The following RTTN variants were observed in gnomAD, a reference collection of about 807,000 sequenced individuals.
The protein encoded by RTTN is rotatin.
RTTN carries 182 observed loss-of-function variants against 269.2 expected under a neutral mutation model. The ratio of observed to expected loss-of-function variants is 0.68; its 90% CI spans 0.60 to 0.76. RTTN has a LOEUF of 0.76. RTTN is among the 30% of genes least tolerant of loss of function. RTTN has a pLI of 0.00. For missense variants in RTTN, 2,545 were observed against 2,608.6 expected (o/e 0.98, Z 0.53); for synonymous variants, 1,006 against 963.5 (o/e 1.04, Z -0.82).
chr18:70,008,226 T>G (rs1278634452), intron 46 of RTTN: 1 of 151,798 alleles, frequency 6.6e-6, no homozygotes, highest in Non-Finnish European at 1.5e-5. Context: ...CAAAAGGACA[T>G]CCACACAAAA....
intron 40 of RTTN, among the ~76,000 whole-genome samples, chr18:70,044,570 C>T (rs2057439297): frequency 1.3e-5 from 2 of 152,010 alleles, no homozygotes; most frequent in African/African-American, 2.4e-5. Flanking sequence ...TATGTAACTA[C>T]AATAAAGTTT....
intron 23 of RTTN, chr18:70,131,122 T>C (rs566096775): frequency 7.5e-6 from 1 of 133,480 alleles, no homozygotes; most frequent in Admixed American, 8.5e-5. Flanking sequence ...ATAACATTTT[T>C]TAAAACAGAA....
intron 23 of RTTN, chr18:70,131,695 T>TAAAA (rs2060002045): frequency 1.3e-5 from 2 of 151,144 alleles, no homozygotes; most frequent in African/African-American, 4.9e-5. Context: ...AATAAATAAA[T>TAAAA]AAAATACTTA....
At chr18:70,190,840 A>G in intron 8 of RTTN, 121 bp from the exon 9 acceptor site, 1 of 601,532 alleles carries the variant, frequency 1.7e-6, no homozygotes, top group Non-Finnish European at 2.9e-6. Context: ...TGCTTCATTC[A>G]ACTCTGGTCA....
intron 28 of RTTN, among the ~76,000 whole-genome samples, chr18:70,095,351 C>T (rs1054907873): frequency 6.6e-6 from 1 of 152,140 alleles, no homozygotes; most frequent in Non-Finnish European, 1.5e-5. Flanking sequence ...ACGATGTTAG[C>T]TGGTTATTTT....
chr18:70,056,493 C>T (rs2057820209), intron 37 of RTTN, among the ~76,000 whole-genome samples: 1 of 152,222 alleles, frequency 6.6e-6, no homozygotes, highest in South Asian at 2.1e-4. Flanking sequence ...ATTCATTCAT[C>T]CCACAAGTAT....
intron 28 of RTTN, among the ~76,000 whole-genome samples, chr18:70,096,714 T>C (rs1256617040): frequency 6.6e-6 from 1 of 152,180 alleles, no homozygotes; most frequent in African/African-American, 2.4e-5. Flanking sequence ...AGAGCTCTCC[T>C]ATATGAGGTG....
At chr18:70,011,559 C>T (rs1004836573) in intron 46 of RTTN, among the ~76,000 whole-genome samples, 1 of 152,186 alleles carries the variant, frequency 6.6e-6, no homozygotes, top group Non-Finnish European at 1.5e-5. Flanking sequence ...TAAAAACTCT[C>T]AATAAACTAG....
chr18:70,204,532 T>C (rs527845243), intron 2 of RTTN, among the ~76,000 whole-genome samples: 1 of 152,318 alleles, frequency 6.6e-6, no homozygotes, highest in African/African-American at 2.4e-5. Context: ...CTTATTTTTT[T>C]AATGGGTTAC....
chr18:70,066,460 G>A (rs548510259), intron 34 of RTTN, among the ~76,000 whole-genome samples: 4 of 152,240 alleles, frequency 2.6e-5, no homozygotes, highest in East Asian at 1.9e-4. Flanking sequence ...AACAAAATCC[G>A]TGGAAAGCAA....
At chr18:70,060,176 C>T (rs1599329186) in intron 35 of RTTN, 134 bp from the exon 36 acceptor site, 2 of 803,110 alleles carry the variant, frequency 2.5e-6, no homozygotes, top group Non-Finnish European at 3.8e-6. Flanking sequence ...CTTCTTGGCT[C>T]ATCTTAACCT....
intron 21 of RTTN, among the ~76,000 whole-genome samples, 158 bp from the exon 22 acceptor site, chr18:70,135,438 A>C (rs1259627077): frequency 2.0e-5 from 3 of 152,208 alleles, no homozygotes; most frequent in Non-Finnish European, 4.4e-5. Context: ...TTGTGGATGT[A>C]CAAGAATCAC....
intron 24 of RTTN, 84 bp from the exon 25 acceptor site, chr18:70,127,825 A>G: frequency 7.9e-7 from 1 of 1,268,320 alleles, no homozygotes; most frequent in Non-Finnish European, 1.1e-6. Flanking sequence ...AAACTCTCCC[A>G]AAAGCTGTTT....
At chr18:70,011,302 G>T (rs2056365115) in intron 46 of RTTN, among the ~76,000 whole-genome samples, 1 of 152,052 alleles carries the variant, frequency 6.6e-6, no homozygotes, top group African/African-American at 2.4e-5. Flanking sequence ...GAAATTTCAG[G>T]CCAATATCCC....
At chr18:70,136,762 T>C (rs1033915791) in intron 21 of RTTN, among the ~76,000 whole-genome samples, 1 of 152,148 alleles carries the variant, frequency 6.6e-6, no homozygotes, top group African/African-American at 2.4e-5. Context: ...ACCATTATCT[T>C]ATAAAATCTC....
rs148809227 is a variant in RTTN, at chr18:70,183,535, G to A, written c.1305+4573C>T. 8.0e-4 allele frequency among the ~76,000 whole-genome samples: 122 copies of A among 152,238 alleles called. 1 individual carries two copies. In the Middle Eastern group the frequency reaches 0.024, roughly 30 times the overall value. The stretch of plus-strand genomic sequence containing the variant: ...AGAGGTCCCAAAGGATCACATCTCA[G>A]GAGCAGAGTTTAACCCCAAGCAAAG... On this transcript the variant is annotated intron_variant, in intron 10 of 48. Coordinates refer to ENST00000640769, the MANE Select transcript of RTTN (RefSeq NM_173630.4).
chr18:70,181,057 G>C (rs2061411870), intron 10 of RTTN, among the ~76,000 whole-genome samples: 1 of 152,168 alleles, frequency 6.6e-6, no homozygotes, highest in Non-Finnish European at 1.5e-5. Context: ...TTCACAATCT[G>C]GTCCAAATAT....
chr18:70,061,253 T>G (rs2057975665), intron 35 of RTTN: 1 of 423,358 alleles, frequency 2.4e-6, no homozygotes, highest in African/African-American at 2.0e-5. Flanking sequence ...AGAACAGTAA[T>G]AAGGTACCTG....
chr18:70,060,086 C>G, intron 35 of RTTN, 44 bp from the exon 36 acceptor site: 1 of 1,455,452 alleles, frequency 6.9e-7, no homozygotes, highest in East Asian at 2.4e-5. Context: ...TACCTTACAG[C>G]TATGTACAAT....
Sources: allele counts gnomAD v4.1 joint callset (sites outside exome capture counted in the v4.1 genomes callset), GRCh38; gene constraint gnomAD v4.1.1; transcripts MANE v1.5; gene names NCBI Gene and HGNC (gene_info 2026-07-23, HGNC 2026-07-21).